USB1: variants seen among roughly 807,000 people sequenced by gnomAD.
USB1 encodes U6 snRNA biogenesis phosphodiesterase 1, also known as U6 snRNA phosphodiesterase 1.
USB1 carries 21 observed loss-of-function variants against 29.9 expected under a neutral mutation model. That is an observed-to-expected ratio of 0.70 (90% CI 0.50 to 1.01). USB1 has a LOEUF of 1.01. Among genes scored for constraint, USB1 ranks in the 50% least tolerant of loss-of-function variants. The pLI, the probability that USB1 is intolerant of heterozygous loss-of-function variation, is 0.00. For synonymous variants in USB1, 143 were observed against 134.9 expected (o/e 1.06, Z -0.42); for missense variants, 330 against 347.1 (o/e 0.95, Z 0.39).
chr16:58,000,335 A>G (rs1162809659), upstream of USB1: 1 of 149,864 alleles, frequency 6.7e-6, no homozygotes, highest in Non-Finnish European at 1.5e-5. The surrounding 1 kb of genome is among the most constrained non-coding windows in gnomAD (Gnocchi z 4.5). Flanking sequence ...CCGGGCCGGC[A>G]GAGGAAGGGG....
Position 58,005,717 on chromosome 16 carries a change from C to G in USB1, c.265+3072C>G, listed in dbSNP as rs536801814. 7.8e-4 allele frequency among the ~76,000 whole-genome samples: 119 copies of G among 152,144 alleles called. 3 individuals carry two copies. Among genetic ancestry groups the G allele is most frequent in the Non-Finnish European group, 2.8e-4 (19 of 68,028 alleles). On this transcript the variant is annotated intron_variant, in intron 2 of 6. Transcript: ENST00000219281. The stretch of plus-strand genomic sequence containing the variant: ...AACTCGTGCCCTCGGTCTCTTGCCT[C>G]GGCACCTGGATGGCTTGCCACCCAC...
At position 58,020,497 on chromosome 16, in the gene USB1, CTT is replaced by C. The variant is rs1339184733; in HGVS notation, c.*253_*254del. On this transcript the variant is annotated 3_prime_UTR_variant, in exon 7 of 7. Coordinates refer to ENST00000219281, the MANE Select transcript of USB1 (RefSeq NM_024598.4). ...CTCTCTTCCTCTCCTCTCTTCCTCT[CTT>C]CTCTCTTCCTCTCCTCTCTCTCTTC... 3.1e-5 allele frequency: 17 copies of C among 544,888 alleles called. No individual in the cohort carries two copies. Among genetic ancestry groups the C allele is most frequent in the South Asian group, 1.6e-4 (8 of 48,892 alleles). 33.8% of individuals were successfully genotyped at this position (544,888 alleles called of 1,614,324 possible).
intron 2 of USB1, among the ~76,000 whole-genome samples, chr16:58,004,532 A>G (rs2142293980): frequency 6.6e-6 from 1 of 152,196 alleles, no homozygotes; most frequent in Middle Eastern, 3.4e-3. Flanking sequence ...CTCTGGCCTC[A>G]GCCTCCCAAA....
chr16:58,001,491 C>A lies in USB1; in HGVS notation c.8C>A (p.Ala3Glu). 6.2e-7 allele frequency: 1 copy of A among 1,601,332 alleles called. No homozygotes were observed. Among genetic ancestry groups the A allele is most frequent in the Middle Eastern group, 1.7e-4 (1 of 6,024 alleles). The change falls in exon 1 of 7, where the codon GCG becomes GAG. Residue 3 changes from alanine (A) to glutamate (E), a missense_variant. Transcript: ENST00000219281. ...GGTCTTGGATGAGGCCCCATGAGCGCGGCGCCCCTGGTGGGCTACAGCAGC... is the reference window on the plus strand; with the variant it reads ...GGTCTTGGATGAGGCCCCATGAGCGAGGCGCCCCTGGTGGGCTACAGCAGC... MS[A>E]APLVGYSSSG...
At chr16:58,019,615 A>G (rs1963693587) in intron 6 of USB1, among the ~76,000 whole-genome samples, 1 of 146,204 alleles carries the variant, frequency 6.8e-6, no homozygotes, top group East Asian at 2.0e-4. Flanking sequence ...CTGGTTGGGG[A>G]GACAGTAGGG....
chr16:58,002,263 G>A (rs1168509563), intron 1 of USB1, among the ~76,000 whole-genome samples: 1 of 152,140 alleles, frequency 6.6e-6, no homozygotes, highest in Non-Finnish European at 1.5e-5. Context: ...TGCATGCCCT[G>A]TTGTTTCCCA....
chr16:58,018,746 A>G (rs995424335), intron 5 of USB1, among the ~76,000 whole-genome samples: 30 of 152,122 alleles, frequency 2.0e-4, no homozygotes, highest in African/African-American at 7.2e-4. Context: ...TTAGGGCTAC[A>G]TGAATTTGGG....
chr16:58,002,340 T>A, intron 1 of USB1, 139 bp from the exon 2 acceptor site: 1 of 1,367,574 alleles, frequency 7.3e-7, no homozygotes, highest in Non-Finnish European at 1.0e-6. Flanking sequence ...TTTCGCTATC[T>A]AGAAGCTGCT....
chr16:58,017,935 C>A (rs1404868948), intron 5 of USB1, among the ~76,000 whole-genome samples: 1 of 152,110 alleles, frequency 6.6e-6, no homozygotes, highest in East Asian at 1.9e-4. Flanking sequence ...TGAATGGAGA[C>A]AATTATTGTT....
At chr16:58,008,039 TTTC>T (rs766826933) in intron 2 of USB1, among the ~76,000 whole-genome samples, 9 of 152,226 alleles carry the variant, frequency 5.9e-5, no homozygotes, top group Non-Finnish European at 1.0e-4. Context: ...ATTTAGATTA[TTTC>T]TTCTTTTGTG....
At position 58,010,059 on chromosome 16, in the gene USB1, C is replaced by CT; in HGVS notation, c.397dup (p.Trp133LeufsTer42). The CT allele has an allele frequency of 6.2e-7, 1 of 1,614,190 alleles. No homozygotes were observed. Among genetic ancestry groups the CT allele is most frequent in the Non-Finnish European group, 8.5e-7 (1 of 1,180,034 alleles). On this transcript the variant is annotated frameshift_variant, in exon 3 of 7. Coordinates refer to ENST00000219281, the MANE Select transcript of USB1 (RefSeq NM_024598.4). LOFTEE classifies it high-confidence loss of function. Reference sequence around the variant, plus strand: ...CCCAGAGTGTGGTTCTGCGCCACCACTGGATCCTCCCCTTCGTGCAGGCTC... The same window carrying CT: ...CCCAGAGTGTGGTTCTGCGCCACCACTTGGATCCTCCCCTTCGTGCAGGCTC...
intron 2 of USB1, among the ~76,000 whole-genome samples, chr16:58,006,995 C>G (rs971335370): frequency 3.3e-5 from 5 of 152,092 alleles, no homozygotes; most frequent in Non-Finnish European, 7.4e-5. Flanking sequence ...CTCCTTTAGC[C>G]TATTGATTGG....
At chr16:58,002,003 G>A (rs929019380) in intron 1 of USB1, among the ~76,000 whole-genome samples, 1 of 152,196 alleles carries the variant, frequency 6.6e-6, no homozygotes, top group Admixed American at 6.5e-5. Context: ...GTAATTCAGT[G>A]GTGAACAAAA....
At chr16:58,008,534 A>G (rs2089780934) in intron 2 of USB1, among the ~76,000 whole-genome samples, 1 of 150,044 alleles carries the variant, frequency 6.7e-6, no homozygotes, top group South Asian at 2.1e-4. Flanking sequence ...GCTCACTGCA[A>G]CTTCCGCCTC....
At chr16:58,015,880 T>C (rs1217061262) in intron 4 of USB1, 1 of 152,134 alleles carries the variant, frequency 6.6e-6, no homozygotes, top group Non-Finnish European at 1.5e-5. Context: ...GGGAGAATGA[T>C]AGGAGATGAG....
In USB1 at chr16:58,013,534, G is replaced by A; in HGVS notation, c.450-739G>A. On this transcript the variant is annotated intron_variant, in intron 3 of 6. Coordinates refer to ENST00000219281, the MANE Select transcript of USB1 (RefSeq NM_024598.4). The surrounding 1 kb of genome is among the most constrained non-coding windows in gnomAD (Gnocchi z 4.3). The stretch of plus-strand genomic sequence containing the variant: ...ATTGCTAGTGTCTCAGAGAATAAAG[G>A]ACAGAACCAGTCCAAGTCAAAGCAC... The A allele has an allele frequency of 1.0e-6, 1 of 960,426 alleles. No individual in the cohort carries two copies. The highest frequency in any genetic ancestry group is 1.2e-6 in the Non-Finnish European group (1 of 826,368). 59.5% of individuals were successfully genotyped at this position (960,426 alleles called of 1,614,324 possible). A position where few individuals can be genotyped will look rare whatever the true frequency, so the allele number is the denominator to read the frequency against.
At chr16:58,007,638 T>A (rs1268022378) in intron 2 of USB1, among the ~76,000 whole-genome samples, 5 of 151,518 alleles carry the variant, frequency 3.3e-5, no homozygotes, top group Non-Finnish European at 5.9e-5. Context: ...CACCTTGGCC[T>A]CCCAAAGTGC....
chr16:58,011,805 G>A (rs1178616518), intron 3 of USB1: 1 of 988,182 alleles, frequency 1.0e-6, no homozygotes, highest in Non-Finnish European at 1.2e-6. Flanking sequence ...GCTTCTCTCT[G>A]AATTGCCCCA....
At chr16:58,011,029 G>A (rs1456597858) in intron 3 of USB1, 29 of 718,352 alleles carry the variant, frequency 4.0e-5, no homozygotes, top group Non-Finnish European at 7.0e-5. Context: ...CCCCATCCAG[G>A]ACCTCATTGC....
Sources: allele counts gnomAD v4.1 joint callset (sites outside exome capture counted in the v4.1 genomes callset), GRCh38; gene constraint gnomAD v4.1.1; non-coding constraint Gnocchi (gnomAD v3.1); transcripts MANE v1.5; gene names NCBI Gene and HGNC (gene_info 2026-07-23, HGNC 2026-07-21).